VKORC1L1: variants seen among roughly 807,000 people sequenced by gnomAD.
VKORC1L1 encodes vitamin K epoxide reductase complex subunit 1-like protein 1.
In VKORC1L1, 2 loss-of-function variants were observed where a neutral mutation model predicts 18.9. That is an observed-to-expected ratio of 0.11 (90% CI 0.04 to 0.33). The LOEUF (loss-of-function observed/expected upper bound fraction) is 0.33. Ranked by LOEUF, VKORC1L1 falls within the 10% of genes least tolerant of loss-of-function variation. VKORC1L1 has a pLI of 1.00. For synonymous variants in VKORC1L1, 96 were observed against 100.0 expected, an observed-to-expected ratio of 0.96 and a Z score of 0.24; for missense variants, 123 against 224.1, an observed-to-expected ratio of 0.55 and a Z score of 2.88.
intron 1 of VKORC1L1, among the ~76,000 whole-genome samples, chr7:65,898,970 A>G (rs998711425): frequency 6.6e-6 from 1 of 152,212 alleles, no homozygotes; most frequent in Non-Finnish European, 1.5e-5. Flanking sequence ...CTCAAGGTCC[A>G]TACTATTTTG....
At chr7:65,927,586 A>G (rs1789787139) in intron 1 of VKORC1L1, among the ~76,000 whole-genome samples, 2 of 149,958 alleles carry the variant, frequency 1.3e-5, no homozygotes, top group Admixed American at 6.6e-5. Context: ...AGGCACACCC[A>G]GCACAGTCAC....
intron 1 of VKORC1L1, among the ~76,000 whole-genome samples, chr7:65,885,702 G>A (rs1295211801): frequency 2.6e-5 from 4 of 151,822 alleles, no homozygotes; most frequent in African/African-American, 9.7e-5. Flanking sequence ...CATACATAAG[G>A]CCTCTTTCTG....
At chr7:65,872,448 G>C (rs2116309531), upstream of VKORC1L1, among the ~76,000 whole-genome samples, 1 of 151,764 alleles carries the variant, frequency 6.6e-6, no homozygotes, top group Admixed American at 6.6e-5. Flanking sequence ...GAGTAGCTGG[G>C]ATTACAGGCG....
intron 1 of VKORC1L1, among the ~76,000 whole-genome samples, chr7:65,889,542 A>G (rs1163838184): frequency 6.6e-6 from 1 of 152,166 alleles, no homozygotes; most frequent in Non-Finnish European, 1.5e-5. Context: ...TATAACTTAC[A>G]GAAAAATCAT....
At position 65,956,636 on chromosome 7, in the gene VKORC1L1, T is replaced by C. The variant is rs528475465; in HGVS notation, c.*2336T>C. On this transcript the variant is annotated 3_prime_UTR_variant, in exon 3 of 3. Transcript: ENST00000360768. Reference sequence around the variant, plus strand: ...ACACGTACTGCCTGTCATAACAGCATTGTAATGCCAGTGTCTCAGTAACAG... The same window carrying C: ...ACACGTACTGCCTGTCATAACAGCACTGTAATGCCAGTGTCTCAGTAACAG... 6.6e-6 allele frequency: 1 copy of C among 152,220 alleles called. No homozygotes were observed. The highest frequency in any genetic ancestry group is 1.5e-5 in the Non-Finnish European group (1 of 68,046). The allele number at this position is 152,220 out of a possible 1,614,324, so 9.4% of individuals were successfully genotyped here.
intron 1 of VKORC1L1, among the ~76,000 whole-genome samples, chr7:65,888,040 C>T (rs1348626804): frequency 3.3e-5 from 5 of 152,150 alleles, no homozygotes; most frequent in South Asian, 2.1e-4. Flanking sequence ...TATTCTTTCT[C>T]GTTGAATCTG....
intron 2 of VKORC1L1, among the ~76,000 whole-genome samples, chr7:65,951,536 T>G (rs1481166620): frequency 2.0e-5 from 3 of 151,700 alleles, no homozygotes; most frequent in Non-Finnish European, 4.4e-5. Flanking sequence ...GTCGCACCAT[T>G]GCACTCCAGC....
rs190429888 is a variant in VKORC1L1, at chr7:65,891,179, A to G, written c.194+17614A>G. 1.6e-3 allele frequency among the ~76,000 whole-genome samples: 215 copies of G among 138,350 alleles called. 1 individual carries two copies. The highest frequency in any genetic ancestry group is 5.1e-3 in the African/African-American group (189 of 36,956). The allele number at this position is 138,350 out of a possible 152,430, so 90.8% of individuals were successfully genotyped here. On this transcript the variant is annotated intron_variant, in intron 1 of 2. Coordinates refer to ENST00000360768, the MANE Select transcript of VKORC1L1 (RefSeq NM_173517.6). ...TTTTTTTCTTGCTGAGTTCTGTTGTATGATTATATTACCCTTTGTTTATTC... is the reference window on the plus strand; with the variant it reads ...TTTTTTTCTTGCTGAGTTCTGTTGTGTGATTATATTACCCTTTGTTTATTC...
At chr7:65,886,865 T>C (rs1207693897) in intron 1 of VKORC1L1, among the ~76,000 whole-genome samples, 17 of 132,108 alleles carry the variant, frequency 1.3e-4, no homozygotes, top group Non-Finnish European at 2.6e-4. Flanking sequence ...TTTTTTTTTT[T>C]CTGAGACAGA....
At chr7:65,893,586 A>G (rs185143899) in intron 1 of VKORC1L1, among the ~76,000 whole-genome samples, 28 of 152,292 alleles carry the variant, frequency 1.8e-4, no homozygotes, top group Admixed American at 1.3e-3. Flanking sequence ...TTTAATTTCT[A>G]ATGTGATAAA....
intron 1 of VKORC1L1, among the ~76,000 whole-genome samples, chr7:65,947,254 A>T (rs1431507168): frequency 6.6e-6 from 1 of 152,208 alleles, no homozygotes; most frequent in African/African-American, 2.4e-5. Context: ...CATCATCGTT[A>T]TACAGGGGTT....
At chr7:65,912,767 A>C (rs1261087432) in intron 1 of VKORC1L1, among the ~76,000 whole-genome samples, 2 of 152,244 alleles carry the variant, frequency 1.3e-5, no homozygotes, top group Non-Finnish European at 2.9e-5. Context: ...CAATTGAAAC[A>C]AAGTACTAGA....
chr7:65,926,280 A>G (rs925926587), intron 1 of VKORC1L1, among the ~76,000 whole-genome samples: 1 of 151,996 alleles, frequency 6.6e-6, no homozygotes, highest in African/African-American at 2.4e-5. Context: ...CTCTGCCTCC[A>G]GGGTAGCTGG....
chr7:65,879,723 T>TCTTTTCTTTCTTTTTCCTTCCTTCCTTC (rs1554393377), intron 1 of VKORC1L1, among the ~76,000 whole-genome samples: 1 of 150,980 alleles, frequency 6.6e-6, no homozygotes, highest in East Asian at 1.9e-4. Flanking sequence ...TTTCCTTCCT[T>TCTTTTCTTTCTTTTTCCTTCCTTCCTTC]CTTTTCTTTC....
At position 65,895,524 on chromosome 7, in the gene VKORC1L1, C is replaced by CAG. The variant is rs1271930368; in HGVS notation, c.194+21960_194+21961insGA. Reference sequence around the variant, plus strand: ...ATATATATATATATATATACACACACACACACACACACACATATAATTTGT... The same window carrying CAG: ...ATATATATATATATATATACACACACAGACACACACACACACATATAATTTGT... On this transcript the variant is annotated intron_variant, in intron 1 of 2. Coordinates refer to ENST00000360768, the MANE Select transcript of VKORC1L1 (RefSeq NM_173517.6). Among the ~76,000 whole-genome samples, 95 of 124,406 alleles carry CAG rather than the reference C, an allele frequency of 7.6e-4. 3 individuals are homozygous for CAG. The highest frequency in any genetic ancestry group is 3.5e-3 in the Admixed American group (39 of 11,072). 81.6% of individuals were successfully genotyped at this position (124,406 alleles called of 152,430 possible).
upstream of VKORC1L1, among the ~76,000 whole-genome samples, chr7:65,869,557 T>G (rs1021009817): frequency 6.6e-6 from 1 of 151,168 alleles, no homozygotes; most frequent in African/African-American, 2.4e-5. Flanking sequence ...GTCAGGCGAA[T>G]TGCATGCTCA....
At chr7:65,921,068 G>T (rs1309743677) in intron 1 of VKORC1L1, among the ~76,000 whole-genome samples, 1 of 151,868 alleles carries the variant, frequency 6.6e-6, no homozygotes, top group African/African-American at 2.4e-5. Context: ...ACTTTGGGGG[G>T]GGTTTAACTG....
At chr7:65,877,042 G>T (rs1045047986) in intron 1 of VKORC1L1, among the ~76,000 whole-genome samples, 2 of 152,028 alleles carry the variant, frequency 1.3e-5, no homozygotes, top group African/African-American at 2.4e-5. Context: ...GAGAGACCCT[G>T]TCTCAAAAAA....
At chr7:65,948,086 A>G (rs1482286775) in intron 1 of VKORC1L1, among the ~76,000 whole-genome samples, 1 of 152,216 alleles carries the variant, frequency 6.6e-6, no homozygotes, top group Non-Finnish European at 1.5e-5. Context: ...TGAGTGAATA[A>G]ATAGCACAAC....
Sources: allele counts gnomAD v4.1 joint callset (sites outside exome capture counted in the v4.1 genomes callset), GRCh38; gene constraint gnomAD v4.1.1; transcripts MANE v1.5; gene names NCBI Gene and HGNC (gene_info 2026-07-23, HGNC 2026-07-21).